Variants in UBQLN1 observed in about 807,000 individuals in gnomAD.
UBQLN1 encodes ubiquilin-1.
UBQLN1 carries 13 observed loss-of-function variants against 65.4 expected under a neutral mutation model. That is an observed-to-expected ratio of 0.20 (90% CI 0.13 to 0.32). The LOEUF is 0.32. Among genes scored for constraint, UBQLN1 ranks in the 10% least tolerant of loss-of-function variants. The probability of loss-of-function intolerance (pLI) is 1.00; values close to 1 mark genes in which losing one functional copy is unlikely to be tolerated. For missense variants in UBQLN1, 561 were observed against 724.0 expected (o/e 0.77, Z 2.58); for synonymous variants, 267 against 247.8 (o/e 1.08, Z -0.73).
intron 6 of UBQLN1, among the ~76,000 whole-genome samples, chr9:83,672,660 TCAC>T (rs1448665905): frequency 2.0e-5 from 3 of 152,104 alleles, no homozygotes; most frequent in African/African-American, 4.8e-5. Flanking sequence ...GATTACAGAA[TCAC>T]CACAACAGAA....
intron 3 of UBQLN1, among the ~76,000 whole-genome samples, chr9:83,681,475 T>C (rs1420946524): frequency 6.6e-6 from 1 of 152,204 alleles, no homozygotes; most frequent in Non-Finnish European, 1.5e-5. Context: ...CAGGATATTA[T>C]GGTAATATAA....
intron 6 of UBQLN1, among the ~76,000 whole-genome samples, chr9:83,670,423 T>C (rs1385713630): frequency 6.6e-6 from 1 of 152,124 alleles, no homozygotes; most frequent in Non-Finnish European, 1.5e-5. Context: ...GGAGATACTG[T>C]GGGTTTGGTT....
chr9:83,692,972 C>T (rs997778931), intron 1 of UBQLN1, among the ~76,000 whole-genome samples: 4 of 152,106 alleles, frequency 2.6e-5, no homozygotes, highest in Admixed American at 2.6e-4. Context: ...TTATTTTTAT[C>T]CTTAAGCCTA....
In UBQLN1 at chr9:83,666,799, G is replaced by A. The variant is rs1831651362; in HGVS notation, c.1249-366C>T. ...AGATATATTTTCTACTACACTGGCA[G>A]AATAAACATAAACATCAATACATGA... On this transcript the variant is annotated intron_variant, in intron 7 of 10. Coordinates refer to ENST00000376395, the MANE Select transcript of UBQLN1 (RefSeq NM_013438.5). 2 of 180,976 alleles carry A rather than the reference G, an allele frequency of 1.1e-5. 1 individual carries two copies. Among genetic ancestry groups the A allele is most frequent in the Non-Finnish European group, 2.4e-5 (2 of 84,524 alleles). The allele number at this position is 180,976 out of a possible 1,614,324, so 11.2% of individuals were successfully genotyped here.
At chr9:83,702,487 G>C (rs1832325500) in intron 1 of UBQLN1, among the ~76,000 whole-genome samples, 1 of 151,876 alleles carries the variant, frequency 6.6e-6, no homozygotes, top group South Asian at 2.1e-4. Context: ...ATGTTGTCCA[G>C]CAGAAATATA....
intron 6 of UBQLN1, among the ~76,000 whole-genome samples, chr9:83,672,518 G>A (rs1382367851): frequency 6.6e-6 from 1 of 152,204 alleles, no homozygotes; most frequent in African/African-American, 2.4e-5. Flanking sequence ...GACCCAAGAA[G>A]AGGAAGAGAG....
chr9:83,669,211 T>C lies in UBQLN1; in HGVS notation c.1222A>G (p.Ser408Gly). The change falls in exon 7 of 11, where the codon AGC becomes GGC. Residue 408 changes from serine (S) to glycine (G), a missense_variant. Transcript: ENST00000376395. ...PYMRSMMQSLSQNPDLAAQMM... is the reference protein window; with the variant it reads ...PYMRSMMQSLGQNPDLAAQMM... ...TGTGCAGCAAGGTCAGGATTCTGGC[T>C]TAGTGACTGCATCATGCTTCTCATG... The C allele has an allele frequency of 6.2e-7, 1 of 1,612,170 alleles. No homozygotes were observed. Among genetic ancestry groups the C allele is most frequent in the African/African-American group, 1.3e-5 (1 of 74,938 alleles).
rs1245001419 is a variant in UBQLN1 at position 83,668,936 on chromosome 9, G to A, written c.1248+249C>T. ...GTACTTGTCTCCTAACTCAACATATGTAGAAACAAACTAAACCTGCACTTC... is the reference window on the plus strand; with the variant it reads ...GTACTTGTCTCCTAACTCAACATATATAGAAACAAACTAAACCTGCACTTC... On this transcript the variant is annotated intron_variant, in intron 7 of 10. Transcript: ENST00000376395. 4.0e-5 allele frequency: 16 copies of A among 404,640 alleles called. No individual in the cohort carries two copies. The East Asian group carries it at 5.6e-4, about 14-fold the overall frequency. 25.1% of individuals were successfully genotyped at this position (404,640 alleles called of 1,614,324 possible). A position where few individuals can be genotyped will look rare whatever the true frequency, so the allele number is the denominator to read the frequency against.
chr9:83,695,265 C>G lies in UBQLN1; in HGVS notation c.181-9110G>C, dbSNP rs112581718. Among the ~76,000 whole-genome samples the G allele has an allele frequency of 4.8e-3, 708 of 148,064 alleles. 7 individuals carry two copies. The highest frequency in any genetic ancestry group is 0.015 in the African/African-American group (592 of 40,238). On this transcript the variant is annotated intron_variant, in intron 1 of 10. Coordinates refer to ENST00000376395, the MANE Select transcript of UBQLN1 (RefSeq NM_013438.5). ...CCAGGCTGGAGTACAGTGGCGCCATCTTGGCTCACTGCAACCTCCACCTCC... is the reference window on the plus strand; with the variant it reads ...CCAGGCTGGAGTACAGTGGCGCCATGTTGGCTCACTGCAACCTCCACCTCC...
rs530384599 is a variant in UBQLN1 at position 83,688,798 on chromosome 9, T to G, written c.181-2643A>C. Among the ~76,000 whole-genome samples, 7 of 152,022 alleles carry G rather than the reference T, an allele frequency of 4.6e-5. No homozygotes were observed. In the South Asian group the frequency reaches 1.0e-3, roughly 23 times the overall value. ...ATTGCTTGAACCTGGGAGGCAGAGG[T>G]TGCAGTGAGCCGAGATTGCACCATT... On this transcript the variant is annotated intron_variant, in intron 1 of 10. Transcript: ENST00000376395.
At chr9:83,695,862 T>C (rs1232001022) in intron 1 of UBQLN1, among the ~76,000 whole-genome samples, 1 of 152,234 alleles carries the variant, frequency 6.6e-6, no homozygotes, top group Non-Finnish European at 1.5e-5. Context: ...AAACAGCAGA[T>C]TTAAGTATCA....
intron 7 of UBQLN1, chr9:83,666,635 CT>C: frequency 2.1e-6 from 1 of 479,364 alleles, no homozygotes; most frequent in South Asian, 3.8e-5. Context: ...GAGGCATATT[CT>C]CTCTCAATGA....
intron 1 of UBQLN1, among the ~76,000 whole-genome samples, chr9:83,696,645 GAAA>G (rs11312351): frequency 6.8e-5 from 10 of 147,760 alleles, no homozygotes; most frequent in African/African-American, 1.7e-4. Context: ...TCTAAAAAAG[GAAA>G]AAAAAAAAAA....
chr9:83,678,884 AT>A (rs1278632461), intron 4 of UBQLN1, among the ~76,000 whole-genome samples: 1 of 151,248 alleles, frequency 6.6e-6, no homozygotes, highest in African/African-American at 2.4e-5. Flanking sequence ...CGCCCCGCTA[AT>A]TTTTTTTTGT....
At chr9:83,662,846 G>A (rs1831582509) in intron 10 of UBQLN1, among the ~76,000 whole-genome samples, 1 of 152,198 alleles carries the variant, frequency 6.6e-6, no homozygotes, top group African/African-American at 2.4e-5. Flanking sequence ...GGCCAAGGCG[G>A]GTGAGATCGC....
At chr9:83,662,244 GTA>G (rs780185554) in intron 10 of UBQLN1, among the ~76,000 whole-genome samples, 43 of 143,930 alleles carry the variant, frequency 3.0e-4, no homozygotes, top group Admixed American at 5.6e-4. Context: ...AGAAAAACCT[GTA>G]TGTGTGTGTG....
chr9:83,707,268 G>A (rs1052322887), intron 1 of UBQLN1, among the ~76,000 whole-genome samples: 1 of 152,256 alleles, frequency 6.6e-6, no homozygotes, highest in Non-Finnish European at 1.5e-5. Flanking sequence ...GGAAGGCTCC[G>A]AGAAAAGCGG....
intron 1 of UBQLN1, among the ~76,000 whole-genome samples, chr9:83,694,574 A>G (rs138238324): frequency 6.6e-6 from 1 of 152,242 alleles, no homozygotes; most frequent in African/African-American, 2.4e-5. Flanking sequence ...AACTGTACAC[A>G]GCCACAAATG....
chr9:83,672,093 T>A (rs1306922540), intron 6 of UBQLN1, among the ~76,000 whole-genome samples: 6 of 152,228 alleles, frequency 3.9e-5, no homozygotes, highest in Admixed American at 3.9e-4. Flanking sequence ...TTCTGCAGAT[T>A]CCTTACCTCT....
Sources: allele counts gnomAD v4.1 joint callset (sites outside exome capture counted in the v4.1 genomes callset), GRCh38; gene constraint gnomAD v4.1.1; transcripts MANE v1.5; gene names NCBI Gene and HGNC (gene_info 2026-07-23, HGNC 2026-07-21).